The following ABCA4 variants were observed in gnomAD, a reference collection of about 807,000 sequenced individuals.
ABCA4 encodes the protein ATP binding cassette subfamily A member 4.
Under a neutral mutation model 263.7 loss-of-function variants are expected in ABCA4, and 196 were observed. The ratio of observed to expected loss-of-function variants is 0.74; its 90% confidence interval spans 0.66 to 0.84. The LOEUF (loss-of-function observed/expected upper bound fraction) is 0.84. Ranked by LOEUF, ABCA4 falls within the 40% of genes least tolerant of loss-of-function variation. The pLI, the probability that ABCA4 is intolerant of heterozygous loss-of-function variation, is 0.00. For synonymous variants in ABCA4, 1,133 were observed against 1,094.2 expected (o/e 1.04, Z -0.70); for missense variants, 2,792 against 2,855.1 (o/e 0.98, Z 0.50).
intron 6 of ABCA4, among the ~76,000 whole-genome samples, chr1:94,092,554 G>T (rs66515264): frequency 0.16 from 24,312 of 152,154 alleles, 2,236 homozygotes; most frequent in Middle Eastern, 0.27. Context: ...CTGGGGGGTT[G>T]GGGGACATGT....
chr1:94,000,588 C>G (rs553457883), intron 47 of ABCA4, among the ~76,000 whole-genome samples: 1 of 152,238 alleles, frequency 6.6e-6, no homozygotes, highest in South Asian at 2.1e-4. Context: ...CTGCATGCAT[C>G]CTGATCAGAT....
At position 94,030,027 on chromosome 1, in the gene ABCA4, G is replaced by A. The variant is rs1025353011; in HGVS notation, c.4353-396C>T. ...TTCCTGGTGGATGTCAATGGCCTTCGCTAACTCCCTTCTCCAGACTCACAA... is the reference window on the plus strand; with the variant it reads ...TTCCTGGTGGATGTCAATGGCCTTCACTAACTCCCTTCTCCAGACTCACAA... On this transcript the variant is annotated intron_variant, in intron 29 of 49. Transcript: ENST00000370225. 4.6e-5 allele frequency among the ~76,000 whole-genome samples: 7 copies of A among 152,142 alleles called. No homozygotes were observed. In the East Asian group the frequency reaches 5.8e-4, roughly 13 times the overall value.
At chr1:94,071,986 A>G (rs1440131769) in intron 11 of ABCA4, among the ~76,000 whole-genome samples, 1 of 152,242 alleles carries the variant, frequency 6.6e-6, no homozygotes, top group African/African-American at 2.4e-5. Flanking sequence ...GATAATTCAC[A>G]AATATTTATA....
chr1:94,028,926 A>AC (rs1449495488), intron 30 of ABCA4, among the ~76,000 whole-genome samples: 2,803 of 128,312 alleles, frequency 0.022, 157 homozygotes, highest in Middle Eastern at 0.13. Flanking sequence ...AAAAAAAAAA[A>AC]AAAAGAAATT....
chr1:94,099,074 C>T, intron 5 of ABCA4, 83 bp from the exon 6 acceptor site: 2 of 1,413,182 alleles, frequency 1.4e-6, no homozygotes, highest in Non-Finnish European at 9.7e-7. Flanking sequence ...CTGGGAATAC[C>T]TTGTGTTACA....
At chr1:94,046,473 A>AG (rs1553191043) in intron 19 of ABCA4, among the ~76,000 whole-genome samples, 5 of 120,742 alleles carry the variant, frequency 4.1e-5, no homozygotes, top group South Asian at 2.6e-4. Context: ...AAAAAAAAAA[A>AG]AAAGAAAAGA....
intron 21 of ABCA4, 29 bp from the exon 22 acceptor site, chr1:94,042,927 A>G (rs1206471878): frequency 1.9e-6 from 3 of 1,613,976 alleles, no homozygotes; most frequent in Non-Finnish European, 2.5e-6. Flanking sequence ...CGGGAGAGTT[A>G]AGGGGCTGTG....
intron 11 of ABCA4, among the ~76,000 whole-genome samples, chr1:94,065,843 A>G (rs1183470904): frequency 6.6e-6 from 1 of 152,226 alleles, no homozygotes; most frequent in Non-Finnish European, 1.5e-5. Flanking sequence ...ACACCATGCT[A>G]ATGAGATATT....
At chr1:93,997,797 C>T in intron 48 of ABCA4, 64 bp downstream of exon 48, 3 of 1,608,534 alleles carry the variant, frequency 1.9e-6, no homozygotes, top group Non-Finnish European at 2.5e-6. Flanking sequence ...ATGGCAATTC[C>T]AACCCACACT....
At chr1:94,062,796 T>G (rs775839300) in intron 12 of ABCA4, 43 bp from the exon 13 acceptor site, 2 of 1,601,590 alleles carry the variant, frequency 1.2e-6, no homozygotes, top group South Asian at 2.2e-5. Context: ...CGGGCTTGGA[T>G]AGCTCACTCA....
At chr1:94,073,343 T>G (rs985961984) in intron 11 of ABCA4, among the ~76,000 whole-genome samples, 3 of 152,190 alleles carry the variant, frequency 2.0e-5, no homozygotes, top group Non-Finnish European at 4.4e-5. Context: ...CATACCCCTC[T>G]GCTCAGAGGC....
intron 1 of ABCA4, among the ~76,000 whole-genome samples, chr1:94,116,956 CTTTCTTTCTTT>C (rs1354039923): frequency 7.9e-4 from 100 of 127,188 alleles, no homozygotes; most frequent in African/African-American, 2.7e-3. Flanking sequence ...TCCCTCCCTC[CTTTCTTTCTTT>C]CTCTTTCTTT....
At chr1:94,116,325 A>C (rs1662759027) in intron 1 of ABCA4, among the ~76,000 whole-genome samples, 3 of 151,660 alleles carry the variant, frequency 2.0e-5, no homozygotes, top group Non-Finnish European at 2.9e-5. Context: ...AGCACTTCTC[A>C]TGTGGCTGCA....
At chr1:94,081,608 G>C (rs1321079129) in intron 7 of ABCA4, among the ~76,000 whole-genome samples, 1 of 152,192 alleles carries the variant, frequency 6.6e-6, no homozygotes. Context: ...GTGTGCGTGT[G>C]TGTGTGCACG....
chr1:94,015,695 A>T, intron 37 of ABCA4, 44 bp downstream of exon 37: 1 of 1,388,696 alleles, frequency 7.2e-7, no homozygotes, highest in Non-Finnish European at 1.0e-6. Flanking sequence ...CCCCACCACC[A>T]GGCTTCTCTT....
At chr1:94,013,609 GAGTGTGGAGTAAAGAC>G (rs1659634707) in intron 38 of ABCA4, among the ~76,000 whole-genome samples, 1 of 152,174 alleles carries the variant, frequency 6.6e-6, no homozygotes, top group Non-Finnish European at 1.5e-5. Context: ...TGGGAGTGTG[GAGTGTGGAGTAAAGAC>G]AGCCCTGCAG....
intron 36 of ABCA4, among the ~76,000 whole-genome samples, chr1:94,018,216 C>T (rs976155602): frequency 1.3e-5 from 2 of 152,220 alleles, no homozygotes; most frequent in African/African-American, 4.8e-5. Flanking sequence ...CATACACACA[C>T]ACAGAAACAC....
intron 42 of ABCA4, 103 bp downstream of exon 42, chr1:94,008,132 T>C: frequency 9.6e-7 from 1 of 1,044,430 alleles, no homozygotes; most frequent in Non-Finnish European, 1.5e-6. Flanking sequence ...ACTTGCATTA[T>C]GGCATTATGT....
intron 40 of ABCA4, among the ~76,000 whole-genome samples, chr1:94,009,265 A>C (rs921214136): frequency 1.9e-4 from 29 of 152,208 alleles, no homozygotes; most frequent in African/African-American, 7.0e-4. Flanking sequence ...TCAGGACTAA[A>C]ATGCTTCCTC....
Sources: allele counts gnomAD v4.1 joint callset (sites outside exome capture counted in the v4.1 genomes callset), GRCh38; gene constraint gnomAD v4.1.1; transcripts MANE v1.5; gene names NCBI Gene and HGNC (gene_info 2026-07-23, HGNC 2026-07-21).